TCF25: variants seen among roughly 807,000 people sequenced by gnomAD.
The protein encoded by TCF25 is ribosome quality control complex subunit TCF25.
TCF25 carries 41 observed loss-of-function variants against 83.1 expected under a neutral mutation model. The observed-to-expected ratio is 0.49, with a 90% CI of 0.38 to 0.64. The LOEUF is 0.64. Ranked by LOEUF, TCF25 falls within the 30% of genes least tolerant of loss-of-function variation. The pLI is 0.00. For missense variants in TCF25, 979 were observed against 914.5 expected (o/e 1.07, Z -0.91); for synonymous variants, 458 against 365.0 (o/e 1.25, Z -2.90).
At chr16:89,888,840 ATTTTTTTTTTTTT>A (rs34444102) in intron 5 of TCF25, among the ~76,000 whole-genome samples, 2 of 109,918 alleles carry the variant, frequency 1.8e-5, no homozygotes, top group East Asian at 2.4e-4. Flanking sequence ...CGCCCAGCTA[ATTTTTTTTTTTTT>A]TTTTTTTTTT....
chr16:89,893,876 C>A lies in TCF25; in HGVS notation c.828+18C>A, dbSNP rs771930719. On this transcript the variant is annotated intron_variant, in intron 7 of 17. Coordinates refer to ENST00000263346, the MANE Select transcript of TCF25 (RefSeq NM_014972.3). ...ACATCGTGGTGCGTGGTCCCTGCAG[C>A]CCCTGACAGGAGCAGGGGCCATGTA... 1 of 1,590,410 alleles carries A rather than the reference C, an allele frequency of 6.3e-7. No individual in the cohort carries two copies. Among genetic ancestry groups the A allele is most frequent in the African/African-American group, 1.3e-5 (1 of 74,126 alleles).
chr16:89,873,623 G>A lies in TCF25; in HGVS notation c.-45G>A. 1.4e-6 allele frequency: 2 copies of A among 1,463,652 alleles called. No individual in the cohort carries two copies. The highest frequency in any genetic ancestry group is 1.8e-6 in the Non-Finnish European group (2 of 1,110,880). The allele number at this position is 1,463,652 out of a possible 1,614,324, so 90.7% of individuals were successfully genotyped here. ...AGGCGCGCCGACAGCCGAGTTTTCT[G>A]CGCTTCCTTCTCCCTCTCTCCAGAC... is the stretch of plus-strand genomic sequence containing the variant. On this transcript the variant is annotated 5_prime_UTR_variant, in exon 1 of 18. Coordinates refer to ENST00000263346, the MANE Select transcript of TCF25 (RefSeq NM_014972.3).
chr16:89,895,197 C>A, intron 8 of TCF25, 60 bp downstream of exon 8: 1 of 1,483,250 alleles, frequency 6.7e-7, no homozygotes, highest in African/African-American at 1.4e-5. Flanking sequence ...GCTATCAAGA[C>A]AGATGCGATG....
At chr16:89,891,599 A>T (rs2144099959) in intron 5 of TCF25, among the ~76,000 whole-genome samples, 1 of 152,304 alleles carries the variant, frequency 6.6e-6, no homozygotes, top group East Asian at 1.9e-4. Context: ...GGCCCACTCT[A>T]AGCACTGGTC....
At chr16:89,885,393 G>T (rs1207945425) in intron 3 of TCF25, among the ~76,000 whole-genome samples, 1 of 152,178 alleles carries the variant, frequency 6.6e-6, no homozygotes. Context: ...TGTTTGCCCT[G>T]ACATCTGTCC....
chr16:89,874,279 T>C lies in TCF25; in HGVS notation c.192+420T>C, dbSNP rs910707399. 5.5e-5 allele frequency among the ~76,000 whole-genome samples: 8 copies of C among 145,922 alleles called. No individual in the cohort carries two copies. The East Asian group carries it at 1.7e-3, about 30-fold the overall frequency. On this transcript the variant is annotated intron_variant, in intron 1 of 17. Transcript: ENST00000263346. ...AAATGGGCCTGCGGCCACGTGGCTG[T>C]CGTGGGGCCGTGACGCTAAAGGGCG... is the stretch of plus-strand genomic sequence containing the variant.
In TCF25 at chr16:89,900,687, C is replaced by T. The variant is rs534537842; in HGVS notation, c.1274C>T (p.Ala425Val). Reference protein sequence around the residue: ...LPNFAFSVPLAYFLLSQQTDL... With the variant: ...LPNFAFSVPLVYFLLSQQTDL... ...AATTTTGCCTTCTCTGTTCCACTGG[C>T]GTATTTCCTGCTGAGCCAGCAGACA... The change falls in exon 12 of 18, where the codon GCG becomes GTG. Residue 425 changes from alanine (A) to valine (V), a missense_variant. Coordinates refer to ENST00000263346, the MANE Select transcript of TCF25 (RefSeq NM_014972.3). 44 of 1,605,640 alleles carry T rather than the reference C, an allele frequency of 2.7e-5. No homozygotes were observed. The South Asian group carries it at 3.0e-4, about 11-fold the overall frequency.
At position 89,910,483 on chromosome 16, in the gene TCF25, C is replaced by T; in HGVS notation, c.1800-108C>T. 14 of 1,173,968 alleles carry T rather than the reference C, an allele frequency of 1.2e-5. No homozygotes were observed. The South Asian group carries it at 1.8e-4, about 15-fold the overall frequency. The allele number at this position is 1,173,968 out of a possible 1,614,324, so 72.7% of individuals were successfully genotyped here. ...CTGCTGCTCTGCCCCCTGGCGGCCC[C>T]TCCGTGTCCCTGCGAGGGAGGCAGC... On this transcript the variant is annotated intron_variant, in intron 16 of 17. Coordinates refer to ENST00000263346, the MANE Select transcript of TCF25 (RefSeq NM_014972.3).
At chr16:89,874,188 T>G (rs971684456) in intron 1 of TCF25, among the ~76,000 whole-genome samples, 15 of 148,516 alleles carry the variant, frequency 1.0e-4, no homozygotes, top group Admixed American at 6.7e-4. Flanking sequence ...TTGTGGAGGG[T>G]GCGGGGCCTT....
chr16:89,907,606 GCTCCCA>G (rs2044989778), intron 16 of TCF25, among the ~76,000 whole-genome samples: 1 of 88,352 alleles, frequency 1.1e-5, no homozygotes. Context: ...CCACCTCCCA[GCTCCCA>G]CCTCCCAGCT....
At chr16:89,896,119 C>G in intron 9 of TCF25, 36 bp downstream of exon 9, 4 of 1,591,104 alleles carry the variant, frequency 2.5e-6, no homozygotes, top group Non-Finnish European at 3.4e-6. Context: ...CGCAGCTCCC[C>G]TTCCCTTCTC....
chr16:89,874,650 C>A (rs75853165), intron 1 of TCF25: 1 of 152,466 alleles, frequency 6.6e-6, no homozygotes, highest in African/African-American at 2.4e-5. Flanking sequence ...TCATGCGGTC[C>A]TGTGACGTTT....
chr16:89,896,849 C>T (rs909647571), intron 9 of TCF25, among the ~76,000 whole-genome samples: 7 of 152,126 alleles, frequency 4.6e-5, no homozygotes, highest in African/African-American at 1.4e-4. Flanking sequence ...CCACCGCGCC[C>T]GGCCACTACA....
intron 5 of TCF25, chr16:89,889,769 C>T (rs987710283): frequency 3.3e-5 from 5 of 152,710 alleles, no homozygotes; most frequent in South Asian, 2.1e-4. Context: ...AGGCTCGTCT[C>T]GAACTCCCAA....
intron 16 of TCF25, among the ~76,000 whole-genome samples, chr16:89,908,603 CTCCTCCCA>C (rs1185214154): frequency 1.5e-3 from 177 of 116,824 alleles, no homozygotes; most frequent in African/African-American, 4.5e-3. Context: ...TCCCGCCTCC[CTCCTCCCA>C]GCTCCCACCT....
chr16:89,886,883 G>A lies in TCF25; in HGVS notation c.549-769G>A, dbSNP rs534574366. Among the ~76,000 whole-genome samples the A allele has an allele frequency of 3.3e-5, 5 of 151,720 alleles. No homozygotes were observed. In the South Asian group the frequency reaches 6.3e-4, roughly 19 times the overall value. ...ACCCGGGAGGCAGAGGTTGCAGTGA[G>A]CCGAGATCGAGATCGCGCCACTGCA... On this transcript the variant is annotated intron_variant, in intron 4 of 17. Coordinates refer to ENST00000263346, the MANE Select transcript of TCF25 (RefSeq NM_014972.3).
intron 3 of TCF25, 133 bp downstream of exon 3, chr16:89,884,789 C>G (rs2042863169): frequency 1.3e-6 from 1 of 768,024 alleles, no homozygotes; most frequent in Admixed American, 2.7e-5. Flanking sequence ...ACGCCCTCTC[C>G]CTCTGCCTGA....
chr16:89,879,169 A>G (rs1179242003), intron 1 of TCF25, among the ~76,000 whole-genome samples: 1 of 150,182 alleles, frequency 6.7e-6, no homozygotes, highest in Non-Finnish European at 1.5e-5. Flanking sequence ...GTGTACACAG[A>G]CGGGCTCCTG....
chr16:89,891,774 C>T (rs1196477464), intron 5 of TCF25, among the ~76,000 whole-genome samples: 1 of 152,144 alleles, frequency 6.6e-6, no homozygotes, highest in African/African-American at 2.4e-5. Flanking sequence ...GAGACAGGGC[C>T]TTGCTCTGTC....
Sources: gnomAD v4.1 joint callset for allele counts (sites outside exome capture counted in the v4.1 genomes callset) on GRCh38, gnomAD v4.1.1 for gene constraint, MANE v1.5 for transcripts, NCBI Gene and HGNC (gene_info 2026-07-23, HGNC 2026-07-21) for gene names.